Variants in STAB2 observed in about 807,000 individuals in gnomAD.
STAB2 encodes the protein stabilin-2.
A neutral mutation model predicts 338.1 loss-of-function variants in STAB2; 288 were observed. The ratio of observed to expected loss-of-function variants is 0.85; its 90% CI spans 0.77 to 0.94. The LOEUF (loss-of-function observed/expected upper bound fraction) is 0.94. STAB2 is among the 40% of genes least tolerant of loss of function. STAB2 has a pLI of 0.00. For missense variants in STAB2, 3,141 were observed against 3,210.1 expected, an observed-to-expected ratio of 0.98 and a Z score of 0.52; for synonymous variants, 1,202 against 1,193.3, an observed-to-expected ratio of 1.01 and a Z score of -0.15.
In STAB2 at chr12:103,594,472, C is replaced by T. The variant is rs373181759; in HGVS notation, c.293C>T (p.Pro98Leu). The T allele has an allele frequency of 1.9e-6, 3 of 1,613,878 alleles. No individual in the cohort carries two copies. The highest frequency in any genetic ancestry group is 1.3e-5 in the African/African-American group (1 of 74,910). ...RHICRKDYLQ[P>L]RCCPGRWGPD... ...ATTTGTAGGAAGGACTATCTCCAAC[C>T]TCGGTGTTGTCCTGGCCGCTGGGGC... The change falls in exon 3 of 69, where the codon CCT (proline) becomes CTT (leucine). Residue 98 changes from proline (P) to leucine (L), a missense_variant. Pro to Leu is a moderately conservative substitution (Grantham distance 98, BLOSUM62 -3). Coordinates refer to ENST00000388887, the MANE Select transcript of STAB2 (RefSeq NM_017564.10).
At chr12:103,726,783 GAAAT>G (rs763533684) in intron 46 of STAB2, among the ~76,000 whole-genome samples, 19 of 152,048 alleles carry the variant, frequency 1.2e-4, no homozygotes, top group Non-Finnish European at 2.2e-4. Context: ...AAAAATGTAA[GAAAT>G]AAGATTTTAA....
intron 57 of STAB2, among the ~76,000 whole-genome samples, chr12:103,745,945 T>C (rs564357825): frequency 3.3e-5 from 5 of 152,212 alleles, no homozygotes; most frequent in Non-Finnish European, 7.3e-5. Context: ...TTCTGGTAGA[T>C]CTGAAATGTG....
chr12:103,596,310 C>A (rs1280101382), intron 3 of STAB2, among the ~76,000 whole-genome samples: 1 of 152,158 alleles, frequency 6.6e-6, no homozygotes, highest in Non-Finnish European at 1.5e-5. Flanking sequence ...CAAGGAACGG[C>A]TTTGTCAAAG....
intron 9 of STAB2, among the ~76,000 whole-genome samples, chr12:103,643,151 G>A (rs898110252): frequency 7.2e-5 from 11 of 152,102 alleles, no homozygotes; most frequent in African/African-American, 2.7e-4. Context: ...AGGTGGATAG[G>A]GGTAGGGAGC....
chr12:103,709,532 C>G (rs912290764), intron 39 of STAB2, among the ~76,000 whole-genome samples: 1 of 152,186 alleles, frequency 6.6e-6, no homozygotes, highest in Non-Finnish European at 1.5e-5. Context: ...GGGTTGGGAG[C>G]TGGGGAGGAG....
Position 103,650,710 on chromosome 12 carries a change from A to G in STAB2, c.1257+132A>G, listed in dbSNP as rs953175337. 2.0e-5 allele frequency: 13 copies of G among 648,638 alleles called. No homozygotes were observed. The African/African-American group carries it at 2.2e-4, about 11-fold the overall frequency. The allele number at this position is 648,638 out of a possible 1,614,324, so 40.2% of individuals were successfully genotyped here. ...TGATGATAAGGATGGTGATTTTTTG[A>G]TAAACTTCTTTTAGTGATATATAAC... On this transcript the variant is annotated intron_variant, in intron 11 of 68. Transcript: ENST00000388887.
intron 53 of STAB2, among the ~76,000 whole-genome samples, chr12:103,738,429 C>G (rs1167609623): frequency 6.6e-6 from 1 of 152,170 alleles, no homozygotes; most frequent in African/African-American, 2.4e-5. Flanking sequence ...ATAATAGGAA[C>G]AGTTATCATC....
At chr12:103,588,960 C>G (rs1346709153) in intron 1 of STAB2, among the ~76,000 whole-genome samples, 1 of 152,146 alleles carries the variant, frequency 6.6e-6, no homozygotes, top group Admixed American at 6.5e-5. Flanking sequence ...CTATACTCCA[C>G]TCAGGTGCAG....
chr12:103,733,139 A>G lies in STAB2; in HGVS notation c.5417A>G (p.Lys1806Arg), dbSNP rs533756460. The G allele has an allele frequency of 2.8e-5, 45 of 1,614,202 alleles. No individual in the cohort carries two copies. In the South Asian group the frequency reaches 4.6e-4, roughly 17 times the overall value. Residue 1806 changes from lysine (K) to arginine (R), a missense_variant, in exon 51 of 69, where the codon AAG (lysine) becomes AGG (arginine). Transcript: ENST00000388887. ...DFLFNQDNKD[K>R]LKEYLKFHVI... ...CTGTTCAACCAAGACAACAAGGACA[A>G]GCTGAAGGAGTATTTGAAGTTTCAT...
In STAB2 at chr12:103,662,893, T is replaced by C; in HGVS notation, c.1917T>C (p.Thr639=). 2 of 1,614,232 alleles carry C rather than the reference T, an allele frequency of 1.2e-6. No homozygotes were observed. Among genetic ancestry groups the C allele is most frequent in the Non-Finnish European group, 1.7e-6 (2 of 1,180,034 alleles). Residue 639 remains threonine, a synonymous_variant, in exon 18 of 69, where the codon ACT becomes ACC. Transcript: ENST00000388887. ...NDVAMEEIEI[T]AKNGRIYTLT... is the part of the protein sequence containing the mutation. The stretch of plus-strand genomic sequence containing the variant: ...TGGCAATGGAAGAAATTGAGATCAC[T>C]GCCAAAAATGGCCGAATTTACACAC...
Position 103,662,919 on chromosome 12 carries a change from T to A in STAB2, c.1943T>A (p.Leu648Gln). The A allele has an allele frequency of 1.2e-6, 2 of 1,614,198 alleles. No individual in the cohort carries two copies. Among genetic ancestry groups the A allele is most frequent in the Non-Finnish European group, 1.7e-6 (2 of 1,180,030 alleles). ...ITAKNGRIYT[L>Q]TGVLIPPSIV... The stretch of plus-strand genomic sequence containing the variant: ...GCCAAAAATGGCCGAATTTACACAC[T>A]GACAGGAGTTCTCATTCCTCCCTCC... The change falls in exon 18 of 69, where the codon CTG becomes CAG. Residue 648 changes from leucine (L) to glutamine (Q), a missense_variant. Physicochemically the swap from Leu to Gln is moderately radical, Grantham distance 113 (BLOSUM62 -2). Transcript: ENST00000388887.
chr12:103,751,283 G>A (rs1221573340), intron 60 of STAB2, among the ~76,000 whole-genome samples: 5 of 152,144 alleles, frequency 3.3e-5, no homozygotes, highest in African/African-American at 1.2e-4. Flanking sequence ...GGACAGCATG[G>A]CCAGGAGAGA....
In STAB2 at chr12:103,690,445, A is replaced by G. The variant is rs773854000; in HGVS notation, c.3204A>G (p.Thr1068=). Residue 1068 remains threonine (T), a synonymous_variant, in exon 30 of 69, where the codon ACA becomes ACG. Coordinates refer to ENST00000388887, the MANE Select transcript of STAB2 (RefSeq NM_017564.10). The part of the protein sequence containing the change: ...ALIKYHMLLG[T]YRVADLQTLS... ...TCAGGTACCATATGCTACTAGGCAC[A>G]TACAGAGTGGCAGATCTGCAGACCC... 1.2e-6 allele frequency: 2 copies of G among 1,614,086 alleles called. No homozygotes were observed. Among genetic ancestry groups the G allele is most frequent in the Non-Finnish European group, 1.7e-6 (2 of 1,179,926 alleles).
Position 103,695,845 on chromosome 12 carries a change from G to C in STAB2, c.3582+1G>C. The stretch of plus-strand genomic sequence containing the variant: ...CAGGGAGAAGAAAGTCTTGTCTCTA[G>C]TAAGTGTCAAGAACTATAACTAGGG... On this transcript the variant is annotated splice_donor_variant, in intron 33 of 68. Coordinates refer to ENST00000388887, the MANE Select transcript of STAB2 (RefSeq NM_017564.10). LOFTEE classifies it high-confidence loss of function. 1 of 1,613,444 alleles carries C rather than the reference G, an allele frequency of 6.2e-7. No individual in the cohort carries two copies. Among genetic ancestry groups the C allele is most frequent in the Non-Finnish European group, 8.5e-7 (1 of 1,179,392 alleles).
At chr12:103,728,285 T>C (rs1167037687) in intron 47 of STAB2, among the ~76,000 whole-genome samples, 2 of 152,068 alleles carry the variant, frequency 1.3e-5, no homozygotes, top group African/African-American at 4.8e-5. Context: ...CGGAGTAGTA[T>C]TTTTAGTAGA....
intron 45 of STAB2, among the ~76,000 whole-genome samples, chr12:103,725,773 A>G (rs975121537): frequency 1.3e-5 from 2 of 152,262 alleles, no homozygotes; most frequent in Non-Finnish European, 2.9e-5. Context: ...GTTCCGGCTG[A>G]TCAAATATTG....
rs763821416 is a variant in STAB2, at chr12:103,748,999, C to T, written c.6281C>T (p.Ala2094Val). The T allele has an allele frequency of 1.2e-6, 2 of 1,614,036 alleles. No individual in the cohort carries two copies. The highest frequency in any genetic ancestry group is 8.5e-7 in the Non-Finnish European group (1 of 1,179,982). Residue 2094 changes from alanine to valine, a missense_variant, in exon 59 of 69, where the codon GCA becomes GTA. Ala to Val is a moderately conservative substitution (Grantham distance 64). Coordinates refer to ENST00000388887, the MANE Select transcript of STAB2 (RefSeq NM_017564.10). ...TGCAAACAGGACAACGGGGGCTGTG[C>T]AAAGGTGGCCAGATGCTCCCAGAAG... ...DFCKQDNGGC[A>V]KVARCSQKGT...
At position 103,746,945 on chromosome 12, in the gene STAB2, C is replaced by CTTTCTTT. The variant is rs1566071218; in HGVS notation, c.6244+245_6244+251dup. Among the ~76,000 whole-genome samples, 5 of 113,942 alleles carry CTTTCTTT rather than the reference C, an allele frequency of 4.4e-5. 1 individual carries two copies. Among genetic ancestry groups the CTTTCTTT allele is most frequent in the African/African-American group, 3.0e-5 (1 of 33,750 alleles). 74.8% of individuals were successfully genotyped at this position (113,942 alleles called of 152,430 possible). ...ATGCACTTTACTTTAGAATGTTTTT[C>CTTTCTTT]TTTCTTTTTTTTTTTTTTTTTTTTT... On this transcript the variant is annotated intron_variant, in intron 58 of 68. Coordinates refer to ENST00000388887, the MANE Select transcript of STAB2 (RefSeq NM_017564.10).
Position 103,725,609 on chromosome 12 carries a change from TGTGC to T in STAB2, c.4804-506_4804-503del, listed in dbSNP as rs914976459. 2.6e-5 allele frequency among the ~76,000 whole-genome samples: 4 copies of T among 151,714 alleles called. No homozygotes were observed. The East Asian group carries it at 7.8e-4, about 30-fold the overall frequency. Reference sequence around the variant, plus strand: ...GTGTGTGTGCATGTGTGTACGTGTGTGTGCTTGTGTGTGCATGCAGGTGCATATG... The same window carrying T: ...GTGTGTGTGCATGTGTGTACGTGTGTTTGTGTGTGCATGCAGGTGCATATG... On this transcript the variant is annotated intron_variant, in intron 45 of 68. Coordinates refer to ENST00000388887, the MANE Select transcript of STAB2 (RefSeq NM_017564.10).
Sources: allele counts gnomAD v4.1 joint callset (sites outside exome capture counted in the v4.1 genomes callset), GRCh38; gene constraint gnomAD v4.1.1; transcripts MANE v1.5; gene names NCBI Gene and HGNC (gene_info 2026-07-23, HGNC 2026-07-21).